Variants in EXOC6 observed in about 807,000 individuals in gnomAD.
EXOC6 encodes exocyst complex component 6.
In EXOC6, 60 loss-of-function variants were observed where a neutral mutation model predicts 112.5. That is an observed-to-expected ratio of 0.53 (90% CI 0.43 to 0.66). The LOEUF is 0.66. Ranked by LOEUF, EXOC6 falls within the 30% of genes least tolerant of loss-of-function variation. The pLI, the probability that EXOC6 is intolerant of heterozygous loss-of-function variation, is 0.00. For synonymous variants in EXOC6, 295 were observed against 308.0 expected, an observed-to-expected ratio of 0.96 and a Z score of 0.44; for missense variants, 855 against 957.1, an observed-to-expected ratio of 0.89 and a Z score of 1.41.
At chr10:92,860,552 C>T (rs565155062) in intron 1 of EXOC6, among the ~76,000 whole-genome samples, 40 of 152,230 alleles carry the variant, frequency 2.6e-4, no homozygotes, top group African/African-American at 8.4e-4. Flanking sequence ...TGAGCCACTG[C>T]GCCTGGCTCT....
chr10:93,006,511 G>GT lies in EXOC6; in HGVS notation c.2096-7682dup, dbSNP rs573627463. ...ATAAAAATGAGGTGATGAAGGTAGAGTAACAGTTGGTCCTCGAGGTTTGCA... is the reference window on the plus strand; with the variant it reads ...ATAAAAATGAGGTGATGAAGGTAGAGTTAACAGTTGGTCCTCGAGGTTTGCA... On this transcript the variant is annotated intron_variant, in intron 19 of 21. Coordinates refer to ENST00000260762, the MANE Select transcript of EXOC6 (RefSeq NM_019053.6). Among the ~76,000 whole-genome samples, 244 of 152,278 alleles carry GT rather than the reference G, an allele frequency of 1.6e-3. 2 individuals carry two copies. Among genetic ancestry groups the GT allele is most frequent in the South Asian group, 9.9e-3 (48 of 4,826 alleles).
rs1020001316 is a variant in EXOC6 at position 92,987,615 on chromosome 10, TAAC to T, written c.1954-9853_1954-9851del. On this transcript the variant is annotated intron_variant, in intron 18 of 21. Coordinates refer to ENST00000260762, the MANE Select transcript of EXOC6 (RefSeq NM_019053.6). ...TGCCTTGCTGACTTCCTTCTCAGAC[TAAC>T]AACAATGATCATGCAGCCATGTCGG... 1.8e-4 allele frequency: 182 copies of T among 985,074 alleles called. No individual in the cohort carries two copies. The African/African-American group carries it at 3.1e-3, about 17-fold the overall frequency. 61.0% of individuals were successfully genotyped at this position (985,074 alleles called of 1,614,324 possible). A position where few individuals can be genotyped will look rare whatever the true frequency, so the allele number is the denominator to read the frequency against.
intron 1 of EXOC6, among the ~76,000 whole-genome samples, chr10:92,875,221 G>A (rs568590309): frequency 6.6e-6 from 1 of 152,140 alleles, no homozygotes; most frequent in African/African-American, 2.4e-5. Context: ...TATGCACAAT[G>A]CCATGTTCTT....
At chr10:92,828,690 CTG>C (rs71028851) in intron 1 of EXOC6, among the ~76,000 whole-genome samples, 5,481 of 105,084 alleles carry the variant, frequency 0.052, 204 homozygotes, top group African/African-American at 0.097. Context: ...TTTTGTGTGT[CTG>C]TGTGTGTGTG....
At chr10:92,887,022 A>C (rs902469534) in intron 1 of EXOC6, among the ~76,000 whole-genome samples, 4 of 152,178 alleles carry the variant, frequency 2.6e-5, no homozygotes, top group African/African-American at 9.7e-5. Context: ...CTGGCCGGTT[A>C]AGTCACTGTG....
chr10:92,849,732 G>C (rs1221242221), intron 1 of EXOC6, among the ~76,000 whole-genome samples: 4 of 152,154 alleles, frequency 2.6e-5, no homozygotes. Flanking sequence ...GAGTCAGGAG[G>C]CCTGGGTTCT....
chr10:92,899,778 T>G, intron 5 of EXOC6, 134 bp downstream of exon 5: 1 of 593,744 alleles, frequency 1.7e-6, no homozygotes, highest in South Asian at 2.5e-5. Flanking sequence ...TACTTAAAAT[T>G]TGCGCATCAG....
chr10:92,834,227 C>G (rs1846588976), upstream of EXOC6, among the ~76,000 whole-genome samples: 1 of 152,104 alleles, frequency 6.6e-6, no homozygotes, highest in Non-Finnish European at 1.5e-5. Context: ...TTCATTTTTC[C>G]TGGGCAAATT....
chr10:92,907,996 T>C (rs770333668), intron 5 of EXOC6, among the ~76,000 whole-genome samples: 1 of 152,006 alleles, frequency 6.6e-6, no homozygotes, highest in Non-Finnish European at 1.5e-5. Flanking sequence ...TATACTCTTA[T>C]CTTTGAGAGT....
chr10:92,847,104 T>C (rs1015737283), upstream of EXOC6, among the ~76,000 whole-genome samples: 1 of 152,208 alleles, frequency 6.6e-6, no homozygotes, highest in African/African-American at 2.4e-5. Flanking sequence ...GCTGACACCT[T>C]GATTTTTAGC....
intron 18 of EXOC6, among the ~76,000 whole-genome samples, chr10:92,978,365 A>G (rs1842711244): frequency 6.6e-6 from 1 of 152,132 alleles, no homozygotes; most frequent in Non-Finnish European, 1.5e-5. Flanking sequence ...AGCCGTAATC[A>G]TGCTACTGTG....
intron 5 of EXOC6, among the ~76,000 whole-genome samples, chr10:92,903,115 A>G (rs1400878041): frequency 6.6e-6 from 1 of 152,102 alleles, no homozygotes; most frequent in Non-Finnish European, 1.5e-5. Flanking sequence ...AAACCGTTAA[A>G]TACTTTTCTA....
intron 18 of EXOC6, among the ~76,000 whole-genome samples, chr10:92,979,278 G>T (rs1842740674): frequency 6.6e-6 from 1 of 152,128 alleles, no homozygotes; most frequent in African/African-American, 2.4e-5. Context: ...TCCTCCCTCA[G>T]CCTCCCGAGT....
chr10:92,961,443 C>T lies in EXOC6; in HGVS notation c.1773+5729C>T, dbSNP rs549776665. Among the ~76,000 whole-genome samples the T allele has an allele frequency of 1.4e-4, 21 of 152,126 alleles. 1 individual carries two copies. In the South Asian group the frequency reaches 4.4e-3, roughly 32 times the overall value. ...CAGCTGATTTAATACATTTGAATGA[C>T]ATAAAATCCTAAAAGGTAAGTTAGA... On this transcript the variant is annotated intron_variant, in intron 17 of 21. Transcript: ENST00000260762.
At chr10:93,045,913 A>G (rs1641600165) in intron 20 of EXOC6, among the ~76,000 whole-genome samples, 1 of 152,238 alleles carries the variant, frequency 6.6e-6, no homozygotes, top group Non-Finnish European at 1.5e-5. Flanking sequence ...AGTACGTCCT[A>G]TGGCACAAAT....
At chr10:92,910,612 AT>A (rs202165004) in intron 6 of EXOC6, among the ~76,000 whole-genome samples, 2,509 of 152,268 alleles carry the variant, frequency 0.016, 36 homozygotes, top group Non-Finnish European at 0.023. Context: ...TATAAAAAAA[AT>A]AAACTATAAA....
intron 1 of EXOC6, among the ~76,000 whole-genome samples, chr10:92,864,729 C>T (rs1026856977): frequency 2.6e-5 from 4 of 151,974 alleles, no homozygotes; most frequent in Non-Finnish European, 5.9e-5. Flanking sequence ...CTTCTCTGGC[C>T]CATGGACATC....
chr10:92,841,978 C>T (rs1846868689), intron 1 of EXOC6, among the ~76,000 whole-genome samples: 1 of 152,032 alleles, frequency 6.6e-6, no homozygotes, highest in Non-Finnish European at 1.5e-5. Flanking sequence ...AGATCAAGAT[C>T]TGGAAAGTCC....
intron 8 of EXOC6, among the ~76,000 whole-genome samples, chr10:92,927,972 TA>T (rs1241951783): frequency 6.6e-6 from 1 of 152,184 alleles, no homozygotes; most frequent in Non-Finnish European, 1.5e-5. Context: ...ATGCTCATGT[TA>T]CACATAGGGC....
Sources: gnomAD v4.1 joint callset for allele counts (sites outside exome capture counted in the v4.1 genomes callset) on GRCh38, gnomAD v4.1.1 for gene constraint, MANE v1.5 for transcripts, NCBI Gene and HGNC (gene_info 2026-07-23, HGNC 2026-07-21) for gene names.